TEX9: variants seen among roughly 807,000 people sequenced by gnomAD.
TEX9 encodes testis-expressed protein 9.
A neutral mutation model predicts 59.6 loss-of-function variants in TEX9; 74 were observed. That is an observed-to-expected ratio of 1.24 (90% confidence interval 1.03 to 1.51). The LOEUF (loss-of-function observed/expected upper bound fraction) is 1.51, where lower values mean the gene tolerates loss of function less well. Ranked by LOEUF, TEX9 falls within the 40% of genes most tolerant of loss-of-function variation. The pLI, the probability that TEX9 is intolerant of heterozygous loss-of-function variation, is 0.00. For synonymous variants in TEX9, 186 were observed against 152.2 expected, an observed-to-expected ratio of 1.22 and a Z score of -1.64; for missense variants, 522 against 447.8, an observed-to-expected ratio of 1.17 and a Z score of -1.49.
At position 56,250,135 on chromosome 15, in the gene TEX9, T is replaced by C. The variant is rs1383505713; in HGVS notation, c.-107+5857T>C. 3.3e-5 allele frequency among the ~76,000 whole-genome samples: 5 copies of C among 152,154 alleles called. No homozygotes were observed. In the East Asian group the frequency reaches 7.7e-4, roughly 23 times the overall value. On this transcript the variant is annotated intron_variant, in intron 1 of 5. Transcript: ENST00000560827. ...CACTTAAGTCTGTGGTAAATTTAAT[T>C]TGATTTAAAGAATAGTGACATGTCT...
rs776418825 is a variant in TEX9 at position 56,274,030 on chromosome 15, C to G, written c.-107+29752C>G. 1.3e-3 allele frequency among the ~76,000 whole-genome samples: 205 copies of G among 152,026 alleles called. 2 individuals carry two copies. The highest frequency in any genetic ancestry group is 3.2e-3 in the Middle Eastern group (1 of 316). On this transcript the variant is annotated intron_variant, in intron 1 of 5. Transcript: ENST00000560827. ...CCATCTTCAACCAATGTTAACTCTC[C>G]AAGTATTTATTTGGTTTCTTTCTTT...
chr15:56,312,553 T>A (rs1224358099), intron 1 of TEX9, among the ~76,000 whole-genome samples: 16 of 150,392 alleles, frequency 1.1e-4, no homozygotes, highest in Non-Finnish European at 1.5e-5. Context: ...TGTAGCCTTG[T>A]AGTATAGTTT....
chr15:56,448,380 A>C (rs2050923169), downstream of TEX9, among the ~76,000 whole-genome samples: 1 of 152,118 alleles, frequency 6.6e-6, no homozygotes, highest in African/African-American at 2.4e-5. Context: ...GTTGTTTTTT[A>C]ACCCACTCCT....
At chr15:56,399,463 G>A (rs2048660536) in intron 9 of TEX9, among the ~76,000 whole-genome samples, 1 of 152,240 alleles carries the variant, frequency 6.6e-6, no homozygotes, top group East Asian at 1.9e-4. Flanking sequence ...CGGGAAGCTT[G>A]GACTGGGCAG....
intron 12 of TEX9, among the ~76,000 whole-genome samples, chr15:56,442,306 G>A (rs1208426939): frequency 6.6e-6 from 1 of 152,162 alleles, no homozygotes; most frequent in Non-Finnish European, 1.5e-5. Context: ...CAACCACTGT[G>A]AAAAGCACTG....
intron 1 of TEX9, among the ~76,000 whole-genome samples, chr15:56,350,446 A>C (rs1393035465): frequency 3.9e-5 from 6 of 152,138 alleles, no homozygotes; most frequent in African/African-American, 1.4e-4. Flanking sequence ...AACTGAGATA[A>C]AGTTTATGTT....
intron 1 of TEX9, among the ~76,000 whole-genome samples, chr15:56,281,798 A>G (rs1005839907): frequency 6.6e-6 from 1 of 152,178 alleles, no homozygotes; most frequent in African/African-American, 2.4e-5. Context: ...CATGGTTATT[A>G]TTATGCTTTA....
intron 11 of TEX9, 82 bp from the exon 12 acceptor site, chr15:56,428,285 C>A: frequency 2.2e-6 from 2 of 927,198 alleles, no homozygotes; most frequent in Non-Finnish European, 3.5e-6. Context: ...AATATATTAT[C>A]CACACATTTT....
At chr15:56,429,249 G>T in intron 12 of TEX9, 4 of 1,137,836 alleles carry the variant, frequency 3.5e-6, no homozygotes, top group Non-Finnish European at 2.6e-6. Context: ...TTCACTAAAT[G>T]CTTTTAAGAC....
exon 11 of TEX9, chr15:56,427,694 G>A: frequency 1.3e-6 from 2 of 1,520,044 alleles, no homozygotes; most frequent in South Asian, 1.3e-5. Flanking sequence ...TAATGATAGG[G>A]TTCAAGAAAC....
At chr15:56,382,721 A>G (rs528106575) in intron 3 of TEX9, among the ~76,000 whole-genome samples, 2 of 152,262 alleles carry the variant, frequency 1.3e-5, no homozygotes, top group Admixed American at 6.5e-5. Flanking sequence ...GCTGTCTTCC[A>G]TGGCCGAGGT....
intron 6 of TEX9, 36 bp from the exon 7 acceptor site, chr15:56,391,207 A>G (rs759442177): frequency 4.2e-6 from 6 of 1,421,574 alleles, no homozygotes; most frequent in East Asian, 2.5e-5. Context: ...ATATGTACGT[A>G]TATACATACA....
chr15:56,439,582 T>G (rs1358477090), intron 12 of TEX9, among the ~76,000 whole-genome samples: 1 of 151,966 alleles, frequency 6.6e-6, no homozygotes, highest in East Asian at 1.9e-4. Context: ...GCCAACTGTG[T>G]TTTAAGAAAG....
At chr15:56,334,095 A>G (rs1320578182) in intron 1 of TEX9, among the ~76,000 whole-genome samples, 1 of 152,206 alleles carries the variant, frequency 6.6e-6, no homozygotes, top group African/African-American at 2.4e-5. Context: ...TCCCAAAGCA[A>G]TTTATAGATT....
chr15:56,408,740 C>G (rs759948124), intron 9 of TEX9: 10 of 152,244 alleles, frequency 6.6e-5, no homozygotes, highest in Non-Finnish European at 1.2e-4. Flanking sequence ...CCAGATCCAG[C>G]TCACCAACAA....
At chr15:56,365,911 T>C in intron 2 of TEX9, 1 of 1,342,382 alleles carries the variant, frequency 7.4e-7, no homozygotes, top group Non-Finnish European at 9.6e-7. Flanking sequence ...TGTTGTTTAA[T>C]TTAAAACGTA....
intron 11 of TEX9, 142 bp downstream of exon 11, chr15:56,427,881 T>C (rs1244274363): frequency 9.7e-6 from 6 of 619,812 alleles, no homozygotes; most frequent in Non-Finnish European, 1.3e-5. Context: ...TGAAATCATA[T>C]GAAATCTAAC....
chr15:56,247,303 A>G (rs1358545695), intron 1 of TEX9, among the ~76,000 whole-genome samples: 2 of 152,260 alleles, frequency 1.3e-5, no homozygotes, highest in Non-Finnish European at 2.9e-5. Context: ...TTTGTGAAGT[A>G]GAGCAACATA....
At chr15:56,249,939 T>A (rs1363690582) in intron 1 of TEX9, among the ~76,000 whole-genome samples, 1 of 152,000 alleles carries the variant, frequency 6.6e-6, no homozygotes, top group Non-Finnish European at 1.5e-5. Flanking sequence ...TTCCCTTGCC[T>A]CTCTTGGCCC....
Sources: gnomAD v4.1 joint callset for allele counts (sites outside exome capture counted in the v4.1 genomes callset) on GRCh38, gnomAD v4.1.1 for gene constraint, MANE v1.5 for transcripts, NCBI Gene and HGNC (gene_info 2026-07-23, HGNC 2026-07-21) for gene names.